The following SVOP variants were observed in gnomAD, a reference collection of about 807,000 sequenced individuals.
The protein encoded by SVOP is synaptic vesicle 2-related protein.
SVOP carries 17 observed loss-of-function variants against 69.1 expected under a neutral mutation model. That is an observed-to-expected ratio of 0.25 (90% CI 0.17 to 0.37). SVOP has a LOEUF of 0.37. SVOP is among the 10% of genes least tolerant of loss of function. The pLI, the probability that SVOP is intolerant of heterozygous loss-of-function variation, is 1.00. For synonymous variants in SVOP, 238 were observed against 238.6 expected (o/e 1.00, Z 0.02); for missense variants, 435 against 597.5 (o/e 0.73, Z 2.84).
chr12:108,976,821 G>A (rs962367175), intron 4 of SVOP, among the ~76,000 whole-genome samples: 1 of 151,946 alleles, frequency 6.6e-6, no homozygotes, highest in African/African-American at 2.4e-5. Context: ...CACCATATTG[G>A]TCAGACTGGT....
intron 1 of SVOP, among the ~76,000 whole-genome samples, chr12:108,992,072 C>T (rs144983473): frequency 0.091 from 13,876 of 152,114 alleles, 844 homozygotes; most frequent in East Asian, 0.2. Flanking sequence ...AATACCCTCC[C>T]CCAACAATAT....
intron 6 of SVOP, among the ~76,000 whole-genome samples, chr12:108,957,979 T>C (rs1281627477): frequency 2.0e-5 from 3 of 152,202 alleles, no homozygotes; most frequent in African/African-American, 7.2e-5. Context: ...TTAGGCGGGG[T>C]GAGCTGATTA....
At chr12:108,940,581 T>A (rs1213846125) in intron 8 of SVOP, among the ~76,000 whole-genome samples, 2 of 152,166 alleles carry the variant, frequency 1.3e-5, no homozygotes, top group African/African-American at 4.8e-5. Flanking sequence ...CCAGAAAACA[T>A]CCCAGAAGTG....
intron 11 of SVOP, among the ~76,000 whole-genome samples, chr12:108,924,669 C>A (rs1340052536): frequency 6.6e-6 from 1 of 152,178 alleles, no homozygotes; most frequent in Non-Finnish European, 1.5e-5. Flanking sequence ...AGGCACCTAG[C>A]TAGCCTTGAG....
In SVOP at chr12:108,938,932, A is replaced by G. The variant is rs750821255; in HGVS notation, c.792T>C (p.Tyr264=). The G allele has an allele frequency of 1.8e-5, 29 of 1,613,872 alleles. No homozygotes were observed. The highest frequency in any genetic ancestry group is 2.3e-5 in the Non-Finnish European group (27 of 1,179,884). ...LCFWLPESAR[Y]DVLSGNQEKA... ...TTTCCTGGTTCCCTGACAGCACATCATACCTTGCACTTTCAGGCAGCCACT... is the reference window on the plus strand; with the variant it reads ...TTTCCTGGTTCCCTGACAGCACATCGTACCTTGCACTTTCAGGCAGCCACT... Residue 264 remains tyrosine (Y), a synonymous_variant, in exon 9 of 16, where the codon TAT becomes TAC. Coordinates refer to ENST00000610966, the MANE Select transcript of SVOP (RefSeq NM_018711.5).
At chr12:108,992,776 G>T (rs1378068326) in intron 1 of SVOP, among the ~76,000 whole-genome samples, 1 of 152,130 alleles carries the variant, frequency 6.6e-6, no homozygotes, top group Non-Finnish European at 1.5e-5. Context: ...ATGGGTGTGG[G>T]GTCTCCTTTT....
intron 11 of SVOP, among the ~76,000 whole-genome samples, chr12:108,930,786 C>G (rs1289892520): frequency 6.6e-6 from 1 of 152,176 alleles, no homozygotes; most frequent in Non-Finnish European, 1.5e-5. Context: ...GAGTAGATTA[C>G]AGTCTGTTCA....
chr12:108,943,560 T>C (rs2039904887), intron 7 of SVOP, among the ~76,000 whole-genome samples: 1 of 148,874 alleles, frequency 6.7e-6, no homozygotes, highest in South Asian at 2.1e-4. Flanking sequence ...ATCGCGCCAC[T>C]GCACTCCAGC....
intron 5 of SVOP, among the ~76,000 whole-genome samples, chr12:108,961,481 CG>C (rs1358196301): frequency 2.2e-4 from 32 of 148,808 alleles, no homozygotes; most frequent in Admixed American, 1.4e-3. Context: ...TTTTCAGGAA[CG>C]CAACTTTCAG....
Position 108,912,258 on chromosome 12 carries a change from C to A in SVOP, c.*277G>T. The A allele has an allele frequency of 1.5e-6, 2 of 1,317,688 alleles. No individual in the cohort carries two copies. Among genetic ancestry groups the A allele is most frequent in the Non-Finnish European group, 1.9e-6 (2 of 1,032,050 alleles). 81.6% of individuals were successfully genotyped at this position (1,317,688 alleles called of 1,614,324 possible). A position where few individuals can be genotyped will look rare whatever the true frequency, so the allele number is the denominator to read the frequency against. Reference sequence around the variant, plus strand: ...CTGATTGGTTGCTGGCATTACCAGACCCTCCTAATATGGGTAGTCTTCCCA... The same window carrying A: ...CTGATTGGTTGCTGGCATTACCAGAACCTCCTAATATGGGTAGTCTTCCCA... On this transcript the variant is annotated 3_prime_UTR_variant, in exon 16 of 16. Coordinates refer to ENST00000610966, the MANE Select transcript of SVOP (RefSeq NM_018711.5).
rs189524486 is a variant in SVOP, at chr12:108,955,795, A to G, written c.578+5128T>C. On this transcript the variant is annotated intron_variant, in intron 6 of 15. Coordinates refer to ENST00000610966, the MANE Select transcript of SVOP (RefSeq NM_018711.5). ...ATAAATCTTGAGTGCTCTGCCAGGC[A>G]CTGTCCTGGGCATTTTACAGAATGT... Among the ~76,000 whole-genome samples the G allele has an allele frequency of 1.0e-3, 153 of 152,344 alleles. 3 individuals carry two copies. The highest frequency in any genetic ancestry group is 7.2e-3 in the Admixed American group (110 of 15,296).
chr12:108,954,370 A>G (rs1043667654), intron 6 of SVOP, among the ~76,000 whole-genome samples: 4 of 152,210 alleles, frequency 2.6e-5, no homozygotes, highest in African/African-American at 9.7e-5. Context: ...TGATAGCTCA[A>G]TAAACACATG....
intron 2 of SVOP, 52 bp from the exon 3 acceptor site, chr12:108,978,715 G>T: frequency 1.4e-6 from 1 of 698,426 alleles, no homozygotes; most frequent in Non-Finnish European, 2.6e-6. Flanking sequence ...CCTTGCAGTT[G>T]TCCTAGTGTG....
rs36191772 is a variant in SVOP at position 108,952,230 on chromosome 12, C to CTTTTT, written c.579-7069_579-7065dup. Among the ~76,000 whole-genome samples the CTTTTT allele has an allele frequency of 7.6e-4, 75 of 98,386 alleles. 1 individual carries two copies. The highest frequency in any genetic ancestry group is 7.1e-3 in the Middle Eastern group (1 of 140). The allele number at this position is 98,386 out of a possible 152,430, so 64.5% of individuals were successfully genotyped here. On this transcript the variant is annotated intron_variant, in intron 6 of 15. Coordinates refer to ENST00000610966, the MANE Select transcript of SVOP (RefSeq NM_018711.5). ...TACATTCCACTTTTTTTTCTTTTCT[C>CTTTTT]TTTTTTTTTTTTTTTTTTTTTTGAG... is the stretch of plus-strand genomic sequence containing the variant.
At chr12:108,961,430 T>C (rs1399390274) in intron 5 of SVOP, among the ~76,000 whole-genome samples, 14 of 11,186 alleles carry the variant, frequency 1.3e-3, no homozygotes, top group Non-Finnish European at 3.1e-3. Context: ...TTCAAGACTT[T>C]TTTTTTTTTT....
intron 5 of SVOP, among the ~76,000 whole-genome samples, chr12:108,967,620 C>T (rs953226106): frequency 2.0e-5 from 3 of 152,174 alleles, no homozygotes; most frequent in African/African-American, 7.2e-5. Context: ...ATTGTTTGCA[C>T]ATGTTTTCTA....
At chr12:108,973,126 C>T (rs2040088377) in intron 4 of SVOP, among the ~76,000 whole-genome samples, 1 of 152,176 alleles carries the variant, frequency 6.6e-6, no homozygotes, top group Admixed American at 6.5e-5. Flanking sequence ...TCACCATGCT[C>T]TTCCCTCTCC....
intron 12 of SVOP, 22 bp from the exon 13 acceptor site, chr12:108,919,808 A>G (rs758245059): frequency 6.6e-7 from 1 of 1,521,828 alleles, no homozygotes; most frequent in South Asian, 1.2e-5. Context: ...GTGGGGAGAG[A>G]TAGGCAGCTT....
intron 6 of SVOP, among the ~76,000 whole-genome samples, chr12:108,957,021 A>G (rs1251281811): frequency 6.6e-6 from 1 of 152,122 alleles, no homozygotes; most frequent in Non-Finnish European, 1.5e-5. Flanking sequence ...GGGTTGAAGT[A>G]AGAGTAGGCT....
Sources: allele counts gnomAD v4.1 joint callset (sites outside exome capture counted in the v4.1 genomes callset), GRCh38; gene constraint gnomAD v4.1.1; transcripts MANE v1.5; gene names NCBI Gene and HGNC (gene_info 2026-07-23, HGNC 2026-07-21).